XPO4: variants seen among roughly 807,000 people sequenced by gnomAD.
XPO4 encodes the protein exportin 4, also known as exportin-4.
A neutral mutation model predicts 143.0 loss-of-function variants in XPO4; 39 were observed. The ratio of observed to expected loss-of-function variants is 0.27; its 90% CI spans 0.21 to 0.36. The LOEUF (loss-of-function observed/expected upper bound fraction) is 0.36, where lower values mean the gene tolerates loss of function less well. Ranked by LOEUF, XPO4 falls within the 10% of genes least tolerant of loss-of-function variation. The pLI, the probability that XPO4 is intolerant of heterozygous loss-of-function variation, is 1.00. For missense variants in XPO4, 907 were observed against 1,348.0 expected (o/e 0.67, Z 5.12); for synonymous variants, 439 against 474.0 (o/e 0.93, Z 0.96).
intron 4 of XPO4, chr13:20,850,950 C>T (rs2060078882): frequency 1.0e-6 from 1 of 985,136 alleles, no homozygotes; most frequent in Non-Finnish European, 1.2e-6. Context: ...TACAGAAAAC[C>T]TTTAGTTAAT....
chr13:20,872,754 G>A (rs1430955272), intron 1 of XPO4, among the ~76,000 whole-genome samples: 1 of 152,112 alleles, frequency 6.6e-6, no homozygotes, highest in East Asian at 1.9e-4. Context: ...AACCCAGGTA[G>A]TATGACTCCA....
intron 2 of XPO4, among the ~76,000 whole-genome samples, chr13:20,867,837 A>G (rs955898288): frequency 1.3e-5 from 2 of 152,200 alleles, no homozygotes; most frequent in African/African-American, 4.8e-5. Flanking sequence ...AGAGCCTTAC[A>G]AAAGATGGCT....
chr13:20,791,827 G>C (rs1314560203), intron 18 of XPO4, among the ~76,000 whole-genome samples: 1 of 152,190 alleles, frequency 6.6e-6, no homozygotes, highest in East Asian at 1.9e-4. Context: ...AAGATCAAAT[G>C]AGGGATATGT....
chr13:20,850,009 G>A (rs2060066953), intron 4 of XPO4: 1 of 665,390 alleles, frequency 1.5e-6, no homozygotes, highest in Non-Finnish European at 1.9e-6. Flanking sequence ...GGGTGGCTGA[G>A]GCATGAGAAT....
At chr13:20,895,672 G>A (rs549811361) in intron 1 of XPO4, among the ~76,000 whole-genome samples, 8 of 150,974 alleles carry the variant, frequency 5.3e-5, no homozygotes, top group Admixed American at 2.0e-4. Context: ...TTCCATTTCC[G>A]TTTCTATGCA....
intron 14 of XPO4, 99 bp downstream of exon 14, chr13:20,800,731 AC>A: frequency 7.0e-7 from 1 of 1,433,912 alleles, no homozygotes; most frequent in Non-Finnish European, 9.4e-7. Context: ...CTGCTCTTAA[AC>A]AGTTCTATTT....
At chr13:20,799,378 T>C in intron 15 of XPO4, 39 bp from the exon 16 acceptor site, 1 of 1,567,152 alleles carries the variant, frequency 6.4e-7, no homozygotes. Flanking sequence ...TGTATTACTA[T>C]GTATATACAT....
intron 7 of XPO4, 72 bp downstream of exon 7, chr13:20,826,995 A>T: frequency 9.7e-7 from 1 of 1,030,110 alleles, no homozygotes; most frequent in Non-Finnish European, 1.5e-6. Flanking sequence ...GTTCTGTTTT[A>T]CTTAAGAAAC....
intron 9 of XPO4, among the ~76,000 whole-genome samples, chr13:20,819,471 C>CCAA (rs2059691257): frequency 6.6e-6 from 1 of 152,024 alleles, no homozygotes; most frequent in Non-Finnish European, 1.5e-5. Flanking sequence ...ACCAGCCTGG[C>CCAA]CAACATGGTG....
intron 4 of XPO4, among the ~76,000 whole-genome samples, chr13:20,844,138 T>A (rs1566602004): frequency 6.6e-6 from 1 of 152,236 alleles, no homozygotes; most frequent in Admixed American, 6.5e-5. Flanking sequence ...AGACTTGAAC[T>A]CAGGACACAC....
intron 3 of XPO4, among the ~76,000 whole-genome samples, chr13:20,860,787 C>T (rs941236841): frequency 6.6e-6 from 1 of 152,192 alleles, no homozygotes; most frequent in African/African-American, 2.4e-5. Flanking sequence ...ACAAGACTTC[C>T]TTATTCTATG....
At chr13:20,852,278 A>G (rs1458617925) in intron 4 of XPO4, 2 of 985,354 alleles carry the variant, frequency 2.0e-6, no homozygotes, top group Non-Finnish European at 2.4e-6. Context: ...AAAATGAAAC[A>G]AGATGTTCTT....
At chr13:20,849,925 G>A (rs2060066201) in intron 4 of XPO4, 1 of 617,358 alleles carries the variant, frequency 1.6e-6, no homozygotes, top group Admixed American at 6.3e-5. Context: ...GGCCAACATG[G>A]CAAAACCCCA....
chr13:20,863,992 G>A (rs921033623), intron 2 of XPO4, among the ~76,000 whole-genome samples: 9 of 152,044 alleles, frequency 5.9e-5, no homozygotes, highest in East Asian at 1.9e-4. Context: ...AATTCCTATC[G>A]TATTAGACTA....
intron 1 of XPO4, among the ~76,000 whole-genome samples, chr13:20,901,498 T>A (rs1247049190): frequency 6.6e-6 from 1 of 152,224 alleles, no homozygotes; most frequent in Non-Finnish European, 1.5e-5. Flanking sequence ...ACTAGCTAGT[T>A]ACTTCTGCTT....
At chr13:20,879,722 A>G (rs1344131812) in intron 1 of XPO4, among the ~76,000 whole-genome samples, 1 of 152,184 alleles carries the variant, frequency 6.6e-6, no homozygotes, top group Non-Finnish European at 1.5e-5. Flanking sequence ...AGGAGACTTC[A>G]CCAAAATTAA....
chr13:20,815,089 C>G, intron 9 of XPO4, among the ~76,000 whole-genome samples: 1 of 152,072 alleles, frequency 6.6e-6, no homozygotes, highest in Non-Finnish European at 1.5e-5. Flanking sequence ...CTACACGATT[C>G]CAACTACACG....
At chr13:20,837,378 A>T (rs991761578) in intron 6 of XPO4, among the ~76,000 whole-genome samples, 1 of 152,116 alleles carries the variant, frequency 6.6e-6, no homozygotes, top group Non-Finnish European at 1.5e-5. Flanking sequence ...TTAAAGAGTT[A>T]TGATTTGTTT....
At position 20,779,415 on chromosome 13, in the gene XPO4, C is replaced by G. The variant is rs894085081; in HGVS notation, c.*4307G>C. On this transcript the variant is annotated 3_prime_UTR_variant, in exon 23 of 23. Transcript: ENST00000255305. The stretch of plus-strand genomic sequence containing the variant: ...AATTTCAGGCTAGGAAAATTAGCTA[C>G]TAGTATGTATCTGACAGTTCCTAAT... 6.6e-6 allele frequency: 1 copy of G among 152,410 alleles called. No homozygotes were observed. The highest frequency in any genetic ancestry group is 1.5e-5 in the Non-Finnish European group (1 of 68,012). 9.4% of individuals were successfully genotyped at this position (152,410 alleles called of 1,614,324 possible).
Sources: allele counts gnomAD v4.1 joint callset (sites outside exome capture counted in the v4.1 genomes callset), GRCh38; gene constraint gnomAD v4.1.1; transcripts MANE v1.5; gene names NCBI Gene and HGNC (gene_info 2026-07-23, HGNC 2026-07-21).